The following MACROD2 variants were observed in gnomAD, a reference collection of about 807,000 sequenced individuals.
MACROD2 encodes mono-ADP ribosylhydrolase 2.
Under a neutral mutation model 70.4 loss-of-function variants are expected in MACROD2, and 36 were observed. That is an observed-to-expected ratio of 0.51 (90% CI 0.39 to 0.68). The LOEUF (loss-of-function observed/expected upper bound fraction) is 0.68, where lower values mean the gene tolerates loss of function less well. MACROD2 is among the 30% of genes least tolerant of loss of function. MACROD2 has a pLI of 0.00. For synonymous variants in MACROD2, 172 were observed against 178.8 expected, an observed-to-expected ratio of 0.96 and a Z score of 0.30; for missense variants, 496 against 538.4, an observed-to-expected ratio of 0.92 and a Z score of 0.78.
chr20:14,476,599 C>T (rs765109085), intron 3 of MACROD2, among the ~76,000 whole-genome samples: 4 of 152,120 alleles, frequency 2.6e-5, no homozygotes, highest in East Asian at 1.9e-4. Flanking sequence ...TCAAGTGATC[C>T]GCCCACCTCA....
At chr20:16,012,917 C>CA (rs1472688715) in intron 15 of MACROD2, among the ~76,000 whole-genome samples, 4 of 152,222 alleles carry the variant, frequency 2.6e-5, no homozygotes, top group African/African-American at 9.6e-5. Context: ...CGCAGTGACT[C>CA]ACGCCTGTAA....
At chr20:15,615,747 C>T (rs1475014741) in intron 8 of MACROD2, among the ~76,000 whole-genome samples, 2 of 152,162 alleles carry the variant, frequency 1.3e-5, no homozygotes. Flanking sequence ...ACATTTATCC[C>T]TCCCTGCCAC....
At chr20:14,921,613 C>T (rs980331413) in intron 5 of MACROD2, among the ~76,000 whole-genome samples, 2 of 152,122 alleles carry the variant, frequency 1.3e-5, no homozygotes, top group East Asian at 1.9e-4. Flanking sequence ...CCAGCTGGCC[C>T]AGCTGTTAGG....
At chr20:14,063,958 C>T (rs2053722894) in intron 2 of MACROD2, among the ~76,000 whole-genome samples, 2 of 152,148 alleles carry the variant, frequency 1.3e-5, no homozygotes, top group Admixed American at 1.3e-4. Context: ...AACTCCTGGG[C>T]TCAAGTGATC....
chr20:14,375,268 T>C (rs920008163), intron 3 of MACROD2, among the ~76,000 whole-genome samples: 2 of 152,118 alleles, frequency 1.3e-5, no homozygotes, highest in Non-Finnish European at 2.9e-5. Context: ...ATTAATAAAA[T>C]ATATTTAAGC....
At chr20:14,608,268 A>C (rs1982937334) in intron 4 of MACROD2, among the ~76,000 whole-genome samples, 1 of 152,150 alleles carries the variant, frequency 6.6e-6, no homozygotes, top group African/African-American at 2.4e-5. Flanking sequence ...AAAAATAAAT[A>C]AATAAATAAA....
chr20:15,993,742 A>T (rs2066590889), intron 15 of MACROD2, among the ~76,000 whole-genome samples: 1 of 152,202 alleles, frequency 6.6e-6, no homozygotes, highest in African/African-American at 2.4e-5. Context: ...AAAATTTCCA[A>T]ACTGGCTAAT....
intron 5 of MACROD2, among the ~76,000 whole-genome samples, chr20:14,767,871 T>G (rs756436023): frequency 6.6e-6 from 1 of 151,978 alleles, no homozygotes; most frequent in Non-Finnish European, 1.5e-5. Context: ...CTCCCACTTA[T>G]AAGTGAGAAC....
intron 5 of MACROD2, among the ~76,000 whole-genome samples, chr20:15,120,260 G>A (rs1426350676): frequency 2.3e-5 from 1 of 44,312 alleles, no homozygotes; most frequent in East Asian, 1.1e-3. Flanking sequence ...TTTTAAGGGG[G>A]AGTGTGTGTG....
At chr20:14,126,935 C>T (rs2054658965) in intron 3 of MACROD2, among the ~76,000 whole-genome samples, 2 of 152,114 alleles carry the variant, frequency 1.3e-5, no homozygotes, top group Non-Finnish European at 2.9e-5. Context: ...GAAATTAGGC[C>T]AATTAATAAC....
intron 8 of MACROD2, among the ~76,000 whole-genome samples, chr20:15,691,883 C>A (rs1008732526): frequency 6.6e-6 from 1 of 152,188 alleles, no homozygotes; most frequent in Non-Finnish European, 1.5e-5. Context: ...TCTCACCAAA[C>A]ACCTTCTAAT....
intron 6 of MACROD2, among the ~76,000 whole-genome samples, chr20:15,245,341 G>A (rs2077096330): frequency 6.6e-6 from 1 of 152,118 alleles, no homozygotes; most frequent in African/African-American, 2.4e-5. Context: ...CTTATTTTCT[G>A]TGACAAGTGA....
Position 15,734,123 on chromosome 20 carries a change from G to A in MACROD2, c.646-128622G>A, listed in dbSNP as rs558910330. Among the ~76,000 whole-genome samples, 36 of 152,294 alleles carry A rather than the reference G, an allele frequency of 2.4e-4. 1 individual carries two copies. The highest frequency in any genetic ancestry group is 8.7e-4 in the African/African-American group (36 of 41,572). ...TTTTACAGAGGGTGTTTTGAAGGAGGAATAGGAGTTTGACATGTGAGAAAG... is the reference window on the plus strand; with the variant it reads ...TTTTACAGAGGGTGTTTTGAAGGAGAAATAGGAGTTTGACATGTGAGAAAG... On this transcript the variant is annotated intron_variant, in intron 8 of 17. Transcript: ENST00000684519.
At chr20:15,268,002 CAAG>C (rs1447740423) in intron 6 of MACROD2, among the ~76,000 whole-genome samples, 1 of 152,140 alleles carries the variant, frequency 6.6e-6, no homozygotes, top group Non-Finnish European at 1.5e-5. Flanking sequence ...GGTCATGTGA[CAAG>C]AACCCAGTTT....
At chr20:15,550,309 ATATT>A (rs1435725641) in intron 8 of MACROD2, among the ~76,000 whole-genome samples, 1 of 149,526 alleles carries the variant, frequency 6.7e-6, no homozygotes, top group Non-Finnish European at 1.5e-5. Context: ...AAAATAAGAA[ATATT>A]TAAATAAATA....
At chr20:16,031,133 A>C (rs193026571) in intron 15 of MACROD2, among the ~76,000 whole-genome samples, 1 of 152,248 alleles carries the variant, frequency 6.6e-6, no homozygotes, top group Admixed American at 6.5e-5. Context: ...GGAAGGGTTA[A>C]TTTTCTTAGT....
intron 4 of MACROD2, among the ~76,000 whole-genome samples, chr20:14,508,132 T>C (rs1209235749): frequency 6.6e-6 from 1 of 152,112 alleles, no homozygotes; most frequent in African/African-American, 2.4e-5. Context: ...CAGAAAAGAC[T>C]CAAGAAACAA....
At chr20:14,132,394 T>C (rs763589624) in intron 3 of MACROD2, among the ~76,000 whole-genome samples, 1 of 152,148 alleles carries the variant, frequency 6.6e-6, no homozygotes, top group Non-Finnish European at 1.5e-5. Context: ...AATGCTGAAA[T>C]GTATGTAGCT....
intron 6 of MACROD2, among the ~76,000 whole-genome samples, chr20:15,426,080 G>T (rs192766667): frequency 2.6e-3 from 390 of 152,130 alleles, no homozygotes; most frequent in African/African-American, 7.6e-3. Flanking sequence ...AAGGCCGCAG[G>T]GTCCTCTGCC....
Sources: gnomAD v4.1 joint callset for allele counts (sites outside exome capture counted in the v4.1 genomes callset) on GRCh38, gnomAD v4.1.1 for gene constraint, MANE v1.5 for transcripts, NCBI Gene and HGNC (gene_info 2026-07-23, HGNC 2026-07-21) for gene names.